Variants in NBEA observed in about 807,000 individuals in gnomAD.
NBEA encodes the protein lysosomal-trafficking regulator 2.
Under a neutral mutation model 343.4 loss-of-function variants are expected in NBEA, and 44 were observed. That is an observed-to-expected ratio of 0.13 (90% CI 0.10 to 0.16). The LOEUF (loss-of-function observed/expected upper bound fraction) is 0.16, where lower values mean the gene tolerates loss of function less well. NBEA is among the 10% of genes least tolerant of loss of function. NBEA has a pLI of 1.00. For missense variants in NBEA, 2,555 were observed against 3,631.3 expected, an observed-to-expected ratio of 0.70 and a Z score of 7.62; for synonymous variants, 1,175 against 1,238.7, an observed-to-expected ratio of 0.95 and a Z score of 1.08.
chr13:35,270,846 G>T (rs1490656578), intron 34 of NBEA, among the ~76,000 whole-genome samples: 2 of 152,212 alleles, frequency 1.3e-5, no homozygotes, highest in African/African-American at 4.8e-5. Flanking sequence ...CAGCAGGGAA[G>T]CTTGAACTGG....
chr13:34,999,130 T>C (rs2061036344), intron 1 of NBEA, among the ~76,000 whole-genome samples: 1 of 152,158 alleles, frequency 6.6e-6, no homozygotes, highest in Non-Finnish European at 1.5e-5. Flanking sequence ...ATACTATAAA[T>C]ATTTATAACA....
chr13:35,221,072 G>A (rs559531191), intron 33 of NBEA, among the ~76,000 whole-genome samples: 9 of 152,016 alleles, frequency 5.9e-5, no homozygotes, highest in East Asian at 1.9e-4. Context: ...CCAGCTGGGC[G>A]TGATGGCTCA....
intron 31 of NBEA, among the ~76,000 whole-genome samples, chr13:35,198,962 G>C (rs2072824027): frequency 6.6e-6 from 1 of 152,042 alleles, no homozygotes; most frequent in Non-Finnish European, 1.5e-5. Context: ...TTAGTTTCAT[G>C]CTTTAATGTC....
intron 35 of NBEA, among the ~76,000 whole-genome samples, chr13:35,292,059 GT>G (rs1458976763): frequency 2.0e-5 from 3 of 151,792 alleles, no homozygotes; most frequent in African/African-American, 7.2e-5. Flanking sequence ...GCTCCCAATT[GT>G]TTTTGTTATT....
chr13:35,283,987 G>GACACAGAC (rs148795496), intron 34 of NBEA, among the ~76,000 whole-genome samples: 1 of 140,854 alleles, frequency 7.1e-6, no homozygotes. Flanking sequence ...TGTGTACACA[G>GACACAGAC]ACACACACAC....
intron 38 of NBEA, among the ~76,000 whole-genome samples, chr13:35,411,582 GAATAGC>G (rs2043588740): frequency 1.3e-5 from 2 of 151,806 alleles, no homozygotes; most frequent in South Asian, 4.2e-4. Context: ...CTCACCTCCT[GAATAGC>G]TGGGACCACA....
At chr13:35,421,536 T>G (rs2044270602) in intron 38 of NBEA, among the ~76,000 whole-genome samples, 1 of 152,088 alleles carries the variant, frequency 6.6e-6, no homozygotes, top group African/African-American at 2.4e-5. Context: ...TGTTACAATT[T>G]TTGTTTCAAC....
At chr13:35,065,937 G>A (rs1381260104) in intron 8 of NBEA, among the ~76,000 whole-genome samples, 4 of 151,952 alleles carry the variant, frequency 2.6e-5, no homozygotes, top group Admixed American at 2.6e-4. Context: ...ACCTGAGTTT[G>A]GTCTATTCAG....
At chr13:35,150,016 C>G (rs917409672) in intron 18 of NBEA, among the ~76,000 whole-genome samples, 2 of 152,178 alleles carry the variant, frequency 1.3e-5, no homozygotes, top group African/African-American at 2.4e-5. Context: ...ACAAAGCCAA[C>G]TAATTGCTGG....
intron 58 of NBEA, 101 bp downstream of exon 58, chr13:35,668,620 C>A: frequency 1.7e-6 from 2 of 1,175,462 alleles, no homozygotes; most frequent in Non-Finnish European, 2.2e-6. Context: ...ATTCCAGCAT[C>A]CAAATGAAAG....
chr13:34,979,610 A>G (rs898275924), intron 1 of NBEA, among the ~76,000 whole-genome samples: 2 of 152,164 alleles, frequency 1.3e-5, no homozygotes, highest in African/African-American at 4.8e-5. Context: ...GTAAGAGTTC[A>G]TTATCCTAGA....
intron 37 of NBEA, among the ~76,000 whole-genome samples, chr13:35,351,388 A>T (rs2040192922): frequency 6.6e-6 from 1 of 152,018 alleles, no homozygotes; most frequent in African/African-American, 2.4e-5. Context: ...TAATTAAAGA[A>T]ATATTTCTCT....
At chr13:35,298,778 T>C (rs1411187936) in intron 35 of NBEA, among the ~76,000 whole-genome samples, 1 of 152,022 alleles carries the variant, frequency 6.6e-6, no homozygotes, top group Non-Finnish European at 1.5e-5. Flanking sequence ...CAACTAAATA[T>C]ATTTCAGTAT....
At chr13:35,106,986 A>G (rs1160385832) in intron 11 of NBEA, among the ~76,000 whole-genome samples, 2 of 152,044 alleles carry the variant, frequency 1.3e-5, no homozygotes, top group African/African-American at 2.4e-5. Context: ...ATGTTTATCT[A>G]GTAACAGGAT....
At chr13:35,298,281 C>A (rs2036294322) in intron 35 of NBEA, among the ~76,000 whole-genome samples, 1 of 136,368 alleles carries the variant, frequency 7.3e-6, no homozygotes, top group African/African-American at 2.8e-5. Context: ...TTAATGTAGT[C>A]CAAAAGTACA....
chr13:35,476,651 C>T (rs751619985), intron 41 of NBEA: 9 of 533,038 alleles, frequency 1.7e-5, no homozygotes, highest in South Asian at 2.6e-5. Flanking sequence ...GGTGAGTGTG[C>T]GTGTGTATAT....
chr13:35,362,493 G>A (rs61948713), intron 38 of NBEA, among the ~76,000 whole-genome samples: 7,819 of 151,876 alleles, frequency 0.051, 263 homozygotes, highest in Non-Finnish European at 0.072. Flanking sequence ...CTAGAAATGT[G>A]CTCTACACTC....
At chr13:35,050,163 A>G in intron 5 of NBEA, 106 bp from the exon 6 acceptor site, 4 of 897,404 alleles carry the variant, frequency 4.5e-6, no homozygotes, top group Non-Finnish European at 4.7e-6. Flanking sequence ...AACTGCTTCT[A>G]CTGTACAGGG....
At chr13:35,367,784 C>T (rs1190575216) in intron 38 of NBEA, among the ~76,000 whole-genome samples, 1 of 151,292 alleles carries the variant, frequency 6.6e-6, no homozygotes, top group East Asian at 1.9e-4. Flanking sequence ...GTAAAATATG[C>T]CAAATATAAA....
Sources: allele counts gnomAD v4.1 joint callset (sites outside exome capture counted in the v4.1 genomes callset), GRCh38; gene constraint gnomAD v4.1.1; transcripts MANE v1.5; gene names NCBI Gene and HGNC (gene_info 2026-07-23, HGNC 2026-07-21).